SS18L2: variants seen among roughly 807,000 people sequenced by gnomAD.
SS18L2 encodes SS18-like protein 2.
A neutral mutation model predicts 10.3 loss-of-function variants in SS18L2; 8 were observed. The observed-to-expected ratio is 0.78, with a 90% CI of 0.46 to 1.41. The LOEUF is 1.41. SS18L2 is among the 40% of genes most tolerant of loss of function. The probability of loss-of-function intolerance (pLI) is 0.00; values close to 1 mark genes in which losing one functional copy is unlikely to be tolerated. For synonymous variants in SS18L2, 41 were observed against 34.6 expected (o/e 1.19, Z -0.65); for missense variants, 100 against 96.2 (o/e 1.04, Z -0.17).
At chr3:42,584,247 G>T (rs1037715475) in intron 1 of SS18L2, among the ~76,000 whole-genome samples, 2 of 152,188 alleles carry the variant, frequency 1.3e-5, no homozygotes, top group Non-Finnish European at 2.9e-5. Flanking sequence ...CAATGTAGAG[G>T]TCTGGGCTGA....
intron 2 of SS18L2, among the ~76,000 whole-genome samples, chr3:42,594,164 C>T (rs1191596125): frequency 6.6e-6 from 1 of 152,144 alleles, no homozygotes; most frequent in Non-Finnish European, 1.5e-5. Context: ...AGTAGGTGCG[C>T]AAAGATAGAT....
At chr3:42,582,159 C>G (rs1704425362) in intron 1 of SS18L2, 1 of 152,270 alleles carries the variant, frequency 6.6e-6, no homozygotes, top group Non-Finnish European at 1.5e-5. Flanking sequence ...GGGGCGCGCG[C>G]CTCCCAACTT....
rs1197462451 is a variant in SS18L2 at position 42,595,031 on chromosome 3, G to A, written c.*522G>A. The A allele has an allele frequency of 2.6e-5, 4 of 152,246 alleles. No homozygotes were observed. Among genetic ancestry groups the A allele is most frequent in the Admixed American group, 2.6e-4 (4 of 15,276 alleles). 9.4% of individuals were successfully genotyped at this position (152,246 alleles called of 1,614,324 possible). On this transcript the variant is annotated 3_prime_UTR_variant, in exon 3 of 3. Transcript: ENST00000011691. Reference sequence around the variant, plus strand: ...AGGTATAGAAGTTTTCATGTAATAAGTATTCCATTTGGTTTTCAAGAATAA... The same window carrying A: ...AGGTATAGAAGTTTTCATGTAATAAATATTCCATTTGGTTTTCAAGAATAA...
upstream of SS18L2, among the ~76,000 whole-genome samples, chr3:42,589,278 A>G (rs1239079116): frequency 1.3e-5 from 2 of 152,046 alleles, no homozygotes; most frequent in Non-Finnish European, 2.9e-5. Flanking sequence ...CAAAAAAAAA[A>G]GAAAAAAGAA....
chr3:42,586,942 C>A (rs558482677), upstream of SS18L2, among the ~76,000 whole-genome samples: 1 of 152,192 alleles, frequency 6.6e-6, no homozygotes, highest in South Asian at 2.1e-4. Flanking sequence ...AGGGGCATCA[C>A]CAGTTTCTCA....
upstream of SS18L2, among the ~76,000 whole-genome samples, chr3:42,587,191 T>C (rs1157380616): frequency 6.6e-6 from 1 of 152,218 alleles, no homozygotes; most frequent in Admixed American, 6.5e-5. Flanking sequence ...AAACTCTAAA[T>C]GCATCTCAGG....
chr3:42,590,103 A>C (rs1157859287), upstream of SS18L2, among the ~76,000 whole-genome samples: 11 of 146,022 alleles, frequency 7.5e-5, no homozygotes, highest in East Asian at 2.2e-3. Context: ...TTGCCAACCT[A>C]ATAAGCATTA....
intron 1 of SS18L2, 26 bp from the exon 2 acceptor site, chr3:42,591,499 G>T: frequency 6.3e-7 from 1 of 1,591,050 alleles, no homozygotes; most frequent in Non-Finnish European, 8.6e-7. Context: ...GGCCTGCACT[G>T]ACCCTTTCTT....
rs1311816813 is a variant in SS18L2, at chr3:42,595,421, C to A, written c.*912C>A. Among the ~76,000 whole-genome samples the A allele has an allele frequency of 6.6e-6, 1 of 152,132 alleles. No homozygotes were observed. Among genetic ancestry groups the A allele is most frequent in the Non-Finnish European group, 1.5e-5 (1 of 68,028 alleles). On this transcript the variant is annotated 3_prime_UTR_variant, in exon 3 of 3. Coordinates refer to ENST00000011691, the MANE Select transcript of SS18L2 (RefSeq NM_001370300.1). ...CCACTTTTCCTGTAAACTAGTAGATCTAGAGGCTCATGCAGACTCATGTTC... is the reference window on the plus strand; with the variant it reads ...CCACTTTTCCTGTAAACTAGTAGATATAGAGGCTCATGCAGACTCATGTTC...
chr3:42,591,363 T>G, intron 1 of SS18L2, 162 bp from the exon 2 acceptor site: 2 of 610,686 alleles, frequency 3.3e-6, no homozygotes, highest in South Asian at 3.9e-5. Flanking sequence ...CACTCCCGGC[T>G]AATTTTTGTA....
intron 1 of SS18L2, among the ~76,000 whole-genome samples, chr3:42,584,850 T>C (rs372540535): frequency 6.6e-6 from 1 of 152,066 alleles, no homozygotes; most frequent in Non-Finnish European, 1.5e-5. Flanking sequence ...ATATGGGGAA[T>C]TGGGGCCAGG....
upstream of SS18L2, chr3:42,590,812 G>A: frequency 7.3e-7 from 1 of 1,373,888 alleles, no homozygotes; most frequent in Non-Finnish European, 1.0e-6. Flanking sequence ...CCTGTAGGCG[G>A]GAGCATCCAA....
intron 1 of SS18L2, among the ~76,000 whole-genome samples, chr3:42,582,883 G>C (rs1488638593): frequency 1.3e-5 from 2 of 152,234 alleles, no homozygotes; most frequent in African/African-American, 4.8e-5. Context: ...TGGAAAGTTA[G>C]TGCTTAATAG....
At chr3:42,589,093 T>G (rs1704719123), upstream of SS18L2, among the ~76,000 whole-genome samples, 1 of 151,116 alleles carries the variant, frequency 6.6e-6, no homozygotes, top group Non-Finnish European at 1.5e-5. Context: ...TGAAACCCCA[T>G]GTCTACTAAA....
At position 42,596,524 on chromosome 3, in the gene SS18L2, G is replaced by C. The variant is rs1354162662; in HGVS notation, c.*2015G>C. 6.6e-6 allele frequency among the ~76,000 whole-genome samples: 1 copy of C among 152,158 alleles called. No homozygotes were observed. Among genetic ancestry groups the C allele is most frequent in the Non-Finnish European group, 1.5e-5 (1 of 68,026 alleles). On this transcript the variant is annotated 3_prime_UTR_variant, in exon 3 of 3. Coordinates refer to ENST00000011691, the MANE Select transcript of SS18L2 (RefSeq NM_001370300.1). The stretch of plus-strand genomic sequence containing the variant: ...TCATGGACAAATTAAGCCTGAGTTT[G>C]TAAACTCTTTGGATACCAACTTTCT...
chr3:42,591,722 A>G (rs1467869876), intron 2 of SS18L2, 121 bp downstream of exon 2: 1 of 727,112 alleles, frequency 1.4e-6, no homozygotes, highest in East Asian at 2.6e-5. Context: ...CTTTGAACTG[A>G]GGAAAGAGAG....
At position 42,595,562 on chromosome 3, in the gene SS18L2, C is replaced by G. The variant is rs1024758806; in HGVS notation, c.*1053C>G. Reference sequence around the variant, plus strand: ...CCTTTCACTTAAATTATGATCCACCCAGCTTTGATGTGGTAATTCATTAGG... The same window carrying G: ...CCTTTCACTTAAATTATGATCCACCGAGCTTTGATGTGGTAATTCATTAGG... On this transcript the variant is annotated 3_prime_UTR_variant, in exon 3 of 3. Coordinates refer to ENST00000011691, the MANE Select transcript of SS18L2 (RefSeq NM_001370300.1). 6.6e-6 allele frequency among the ~76,000 whole-genome samples: 1 copy of G among 152,204 alleles called. No homozygotes were observed. Among genetic ancestry groups the G allele is most frequent in the African/African-American group, 2.4e-5 (1 of 41,442 alleles).
rs1029271443 is a variant in SS18L2 at position 42,596,700 on chromosome 3, A to G, written c.*2191A>G. On this transcript the variant is annotated 3_prime_UTR_variant, in exon 3 of 3. Transcript: ENST00000011691. ...ATCTAAAATATAATTTCAAATCACA[A>G]GACAGAATAAAATAATCTTTGAGAG... Among the ~76,000 whole-genome samples the G allele has an allele frequency of 4.6e-5, 7 of 152,216 alleles. No individual in the cohort carries two copies. Among genetic ancestry groups the G allele is most frequent in the South Asian group, 2.1e-4 (1 of 4,830 alleles).
At chr3:42,584,853 G>C (rs1704560570) in intron 1 of SS18L2, among the ~76,000 whole-genome samples, 1 of 152,240 alleles carries the variant, frequency 6.6e-6, no homozygotes, top group Non-Finnish European at 1.5e-5. Flanking sequence ...TGGGGAATTG[G>C]GGCCAGGTGT....
Sources: allele counts gnomAD v4.1 joint callset (sites outside exome capture counted in the v4.1 genomes callset), GRCh38; gene constraint gnomAD v4.1.1; transcripts MANE v1.5; gene names NCBI Gene and HGNC (gene_info 2026-07-23, HGNC 2026-07-21).